Variants in ALK observed in about 807,000 individuals in gnomAD.
ALK encodes ALK tyrosine kinase receptor.
ALK carries 74 observed loss-of-function variants against 163.1 expected under a neutral mutation model. The ratio of observed to expected loss-of-function variants is 0.45; its 90% CI spans 0.38 to 0.55. The LOEUF (loss-of-function observed/expected upper bound fraction) is 0.55, where lower values mean the gene tolerates loss of function less well. Ranked by LOEUF, ALK falls within the 20% of genes least tolerant of loss-of-function variation. The pLI, the probability that ALK is intolerant of heterozygous loss-of-function variation, is 0.00. For synonymous variants in ALK, 960 were observed against 843.2 expected, an observed-to-expected ratio of 1.14 and a Z score of -2.40; for missense variants, 2,063 against 2,105.3, an observed-to-expected ratio of 0.98 and a Z score of 0.39.
chr2:29,200,813 A>ATATATGTG (rs1669155970), intron 26 of ALK, among the ~76,000 whole-genome samples: 2 of 145,362 alleles, frequency 1.4e-5, no homozygotes, highest in Admixed American at 1.4e-4. Flanking sequence ...ATATGTGTGT[A>ATATATGTG]TATACATATA....
chr2:29,727,439 T>C (rs1472021318), intron 1 of ALK, among the ~76,000 whole-genome samples: 1 of 152,224 alleles, frequency 6.6e-6, no homozygotes, highest in Non-Finnish European at 1.5e-5. Flanking sequence ...GCTGATGTGC[T>C]AGAGAACTGT....
chr2:29,529,339 A>C (rs2148156046), intron 4 of ALK, among the ~76,000 whole-genome samples: 1 of 152,312 alleles, frequency 6.6e-6, no homozygotes, highest in East Asian at 1.9e-4. Flanking sequence ...GTCTCCTGTT[A>C]TGAGAGGAAG....
chr2:29,192,923 T>G lies in ALK; in HGVS notation c.*301A>C, dbSNP rs1323276386. ...CTACATTGAAGCAGAGCACACACAA[T>G]TTGAAAGAAGCATAAGGAAGTATAC... On this transcript the variant is annotated 3_prime_UTR_variant, in exon 29 of 29. Transcript: ENST00000389048. 2.2e-5 allele frequency: 10 copies of G among 453,750 alleles called. No individual in the cohort carries two copies. The highest frequency in any genetic ancestry group is 4.1e-5 in the Non-Finnish European group (10 of 244,532). The allele number at this position is 453,750 out of a possible 1,614,324, so 28.1% of individuals were successfully genotyped here.
intron 19 of ALK, 99 bp downstream of exon 19, chr2:29,225,362 A>C (rs911998541): frequency 1.8e-6 from 2 of 1,119,926 alleles, no homozygotes; most frequent in South Asian, 2.7e-5. Context: ...AGGGACTAGC[A>C]TAACGAAGTG....
intron 2 of ALK, among the ~76,000 whole-genome samples, chr2:29,712,422 C>T (rs950277476): frequency 6.6e-6 from 1 of 152,204 alleles, no homozygotes; most frequent in Non-Finnish European, 1.5e-5. Context: ...TCAGCCCTGA[C>T]AACAGTCCAC....
At chr2:29,759,959 C>T (rs919463821) in intron 1 of ALK, among the ~76,000 whole-genome samples, 1 of 152,192 alleles carries the variant, frequency 6.6e-6, no homozygotes, top group Non-Finnish European at 1.5e-5. Flanking sequence ...ATCAACAGCA[C>T]TTTTGAAGCC....
intron 1 of ALK, among the ~76,000 whole-genome samples, chr2:29,851,206 T>C (rs1558518199): frequency 6.6e-6 from 1 of 152,216 alleles, no homozygotes; most frequent in Admixed American, 6.5e-5. Context: ...AGCATGTTAT[T>C]GACAGAAAAG....
At chr2:29,410,035 A>G (rs57228509) in intron 4 of ALK, among the ~76,000 whole-genome samples, 3,038 of 152,274 alleles carry the variant, frequency 0.02, 89 homozygotes, top group African/African-American at 0.069. Context: ...TTTATAGCCT[A>G]TGAACCCTTA....
chr2:29,783,085 G>A (rs187424979), intron 1 of ALK, among the ~76,000 whole-genome samples: 3 of 152,320 alleles, frequency 2.0e-5, no homozygotes, highest in African/African-American at 4.8e-5. Context: ...CATTCCTCAA[G>A]GGCAGTGACT....
In ALK at chr2:29,313,264, C is replaced by A. The variant is rs76449323; in HGVS notation, c.1647+5040G>T. 2.7e-3 allele frequency among the ~76,000 whole-genome samples: 416 copies of A among 152,262 alleles called. 9 individuals are homozygous for A. In the East Asian group the frequency reaches 0.037, roughly 14 times the overall value. ...TAACAACTTTATTTGCAATCAAGCC[C>A]ATGAGGCCTCCTGGAATGGCTTCTC... On this transcript the variant is annotated intron_variant, in intron 8 of 28. Transcript: ENST00000389048.
At chr2:29,223,001 G>A (rs1201390771) in intron 20 of ALK, among the ~76,000 whole-genome samples, 1 of 152,146 alleles carries the variant, frequency 6.6e-6, no homozygotes, top group Non-Finnish European at 1.5e-5. Context: ...GAGTGACAGA[G>A]GAAGGCGCAG....
intron 1 of ALK, among the ~76,000 whole-genome samples, chr2:29,751,881 A>G (rs1414580085): frequency 6.6e-6 from 1 of 152,190 alleles, no homozygotes; most frequent in Non-Finnish European, 1.5e-5. Flanking sequence ...TAAACCCTAG[A>G]GATACTGGTT....
intron 1 of ALK, among the ~76,000 whole-genome samples, chr2:29,862,190 C>G (rs185317854): frequency 6.6e-6 from 1 of 152,042 alleles, no homozygotes; most frequent in Non-Finnish European, 1.5e-5. Context: ...AAAAGTTGAA[C>G]GTTTTTCCTT....
chr2:29,356,233 A>T (rs1215094066), intron 5 of ALK, among the ~76,000 whole-genome samples: 1 of 152,182 alleles, frequency 6.6e-6, no homozygotes, highest in Non-Finnish European at 1.5e-5. Flanking sequence ...GTATGCTGAC[A>T]TTTTGCAAGT....
chr2:29,891,740 G>C (rs906972766), intron 1 of ALK, among the ~76,000 whole-genome samples: 1 of 152,122 alleles, frequency 6.6e-6, no homozygotes, highest in African/African-American at 2.4e-5. Flanking sequence ...ACTTCCCTGG[G>C]ACCACATGCT....
In ALK at chr2:29,589,649, A is replaced by G. The variant is rs375238428; in HGVS notation, c.953-57533T>C. Among the ~76,000 whole-genome samples, 20 of 152,288 alleles carry G rather than the reference A, an allele frequency of 1.3e-4. No individual in the cohort carries two copies. In the East Asian group the frequency reaches 2.7e-3, roughly 21 times the overall value. On this transcript the variant is annotated intron_variant, in intron 3 of 28. Transcript: ENST00000389048. ...CTTTAGGCTCTGACCGGACAACAAT[A>G]TCCAAAATCATTGGCTAACTCCACT...
At chr2:29,845,778 C>A (rs1665826810) in intron 1 of ALK, among the ~76,000 whole-genome samples, 1 of 152,154 alleles carries the variant, frequency 6.6e-6, no homozygotes, top group African/African-American at 2.4e-5. Flanking sequence ...ACCATTTCCC[C>A]AAACTTTTGG....
chr2:29,752,025 C>T (rs1412567620), intron 1 of ALK, among the ~76,000 whole-genome samples: 1 of 152,174 alleles, frequency 6.6e-6, no homozygotes, highest in Non-Finnish European at 1.5e-5. Context: ...ACAAAGCTAA[C>T]ATCATCTAAC....
At chr2:29,654,741 T>C (rs546056189) in intron 3 of ALK, among the ~76,000 whole-genome samples, 29 of 152,308 alleles carry the variant, frequency 1.9e-4, no homozygotes, top group African/African-American at 6.7e-4. Flanking sequence ...AATCATGCCA[T>C]AGCAAATTAA....
Sources: gnomAD v4.1 joint callset for allele counts (sites outside exome capture counted in the v4.1 genomes callset) on GRCh38, gnomAD v4.1.1 for gene constraint, MANE v1.5 for transcripts, NCBI Gene and HGNC (gene_info 2026-07-23, HGNC 2026-07-21) for gene names.